GOLT1B: variants seen among roughly 807,000 people sequenced by gnomAD.
GOLT1B encodes golgi transport 1B, also known as vesicle transport protein GOT1B.
In GOLT1B, 3 loss-of-function variants were observed where a neutral mutation model predicts 15.4. The ratio of observed to expected loss-of-function variants is 0.19; its 90% CI spans 0.09 to 0.50. The LOEUF (loss-of-function observed/expected upper bound fraction) is 0.50. Among genes scored for constraint, GOLT1B ranks in the 20% least tolerant of loss-of-function variants. The pLI, the probability that GOLT1B is intolerant of heterozygous loss-of-function variation, is 0.97. For synonymous variants in GOLT1B, 65 were observed against 56.2 expected (o/e 1.16, Z -0.70); for missense variants, 145 against 160.4 (o/e 0.90, Z 0.52).
At chr12:21,504,606 C>T in intron 1 of GOLT1B, 1 of 505,728 alleles carries the variant, frequency 2.0e-6, no homozygotes, top group South Asian at 1.4e-5. Context: ...ATACCACCAG[C>T]ACCCACACAC....
At chr12:21,507,866 T>C (rs1040438203) in intron 2 of GOLT1B, 1 of 426,382 alleles carries the variant, frequency 2.3e-6, no homozygotes, top group African/African-American at 2.1e-5. Context: ...CTAGAATTTA[T>C]AAAACTAGAA....
chr12:21,504,543 G>A (rs575284851), intron 1 of GOLT1B: 2 of 504,018 alleles, frequency 4.0e-6, no homozygotes, highest in East Asian at 1.1e-4. Flanking sequence ...CATTGTCTGT[G>A]GAGTGAGAAG....
At chr12:21,504,135 C>T (rs762566935) in intron 1 of GOLT1B, among the ~76,000 whole-genome samples, 5 of 152,220 alleles carry the variant, frequency 3.3e-5, no homozygotes, top group Non-Finnish European at 7.3e-5. Context: ...TATACAATTT[C>T]CACAGTATGC....
intron 3 of GOLT1B, among the ~76,000 whole-genome samples, chr12:21,511,383 A>G (rs1203117761): frequency 1.7e-5 from 2 of 117,444 alleles, no homozygotes; most frequent in Non-Finnish European, 3.2e-5. Context: ...GTGTTCAGCT[A>G]TCCGGAAGCT....
chr12:21,511,357 C>T (rs1439835044), intron 3 of GOLT1B, among the ~76,000 whole-genome samples: 2 of 143,840 alleles, frequency 1.4e-5, no homozygotes, highest in African/African-American at 5.0e-5. Flanking sequence ...ACCCACCATC[C>T]TCCAAGAACA....
intron 3 of GOLT1B, 108 bp downstream of exon 3, chr12:21,508,669 G>A (rs1943696642): frequency 1.5e-6 from 1 of 649,802 alleles, no homozygotes; most frequent in Non-Finnish European, 2.7e-6. Context: ...TTCCTTAAAT[G>A]GAATTTTATT....
chr12:21,502,765 T>C (rs1341577787), intron 1 of GOLT1B, among the ~76,000 whole-genome samples: 1 of 152,180 alleles, frequency 6.6e-6, no homozygotes, highest in African/African-American at 2.4e-5. Context: ...AATTTTTGTA[T>C]TTATGTCTGC....
intron 3 of GOLT1B, among the ~76,000 whole-genome samples, chr12:21,511,857 C>T (rs1474918671): frequency 6.6e-6 from 1 of 152,166 alleles, no homozygotes; most frequent in Non-Finnish European, 1.5e-5. Context: ...CTTCTGTAGA[C>T]TTGTATTTCT....
intron 3 of GOLT1B, 119 bp from the exon 4 acceptor site, chr12:21,512,176 G>C (rs1346591760): frequency 9.3e-6 from 6 of 642,624 alleles, no homozygotes; most frequent in Admixed American, 2.7e-5. Flanking sequence ...TTATTTCTAA[G>C]TTTGAAGACC....
intron 4 of GOLT1B, among the ~76,000 whole-genome samples, chr12:21,513,348 A>AT (rs1333565590): frequency 1.3e-5 from 2 of 152,164 alleles, no homozygotes; most frequent in East Asian, 3.9e-4. Context: ...AGGTTGTAAC[A>AT]TCTTTTGGTG....
intron 1 of GOLT1B, among the ~76,000 whole-genome samples, chr12:21,505,171 G>A (rs1194690270): frequency 6.6e-6 from 1 of 152,104 alleles, no homozygotes; most frequent in Non-Finnish European, 1.5e-5. Flanking sequence ...CACTTCATAA[G>A]GCCTAATTCG....
At chr12:21,510,138 C>T (rs767615980) in intron 3 of GOLT1B, among the ~76,000 whole-genome samples, 1 of 152,088 alleles carries the variant, frequency 6.6e-6, no homozygotes, top group Non-Finnish European at 1.5e-5. Flanking sequence ...GCGGTTAATA[C>T]AGTACAGAAT....
At chr12:21,504,344 G>A (rs1460320950) in intron 1 of GOLT1B, among the ~76,000 whole-genome samples, 1 of 152,140 alleles carries the variant, frequency 6.6e-6, no homozygotes, top group African/African-American at 2.4e-5. Flanking sequence ...GGGAAAAGGG[G>A]GATCCTGGAG....
chr12:21,501,848 G>A lies in GOLT1B; in HGVS notation c.-76G>A. ...CGGCTCTCGCCTGGGCTGTTTCCCG[G>A]CTTCATTTCTCCCGACTCAGCTTCC... On this transcript the variant is annotated 5_prime_UTR_variant, in exon 1 of 5. Coordinates refer to ENST00000229314, the MANE Select transcript of GOLT1B (RefSeq NM_016072.5). The A allele has an allele frequency of 1.9e-6, 2 of 1,035,324 alleles. No homozygotes were observed. The highest frequency in any genetic ancestry group is 3.0e-6 in the Non-Finnish European group (2 of 661,426). 64.1% of individuals were successfully genotyped at this position (1,035,324 alleles called of 1,614,324 possible).
At chr12:21,505,433 T>G (rs1056240349) in intron 1 of GOLT1B, among the ~76,000 whole-genome samples, 2 of 152,192 alleles carry the variant, frequency 1.3e-5, no homozygotes, top group Non-Finnish European at 2.9e-5. Context: ...TAAATTCTCT[T>G]AAGGCCTTTG....
chr12:21,501,853 A>T lies in GOLT1B; in HGVS notation c.-71A>T. 3 of 1,108,716 alleles carry T rather than the reference A, an allele frequency of 2.7e-6. No individual in the cohort carries two copies. Among genetic ancestry groups the T allele is most frequent in the Middle Eastern group, 1.9e-4 (1 of 5,164 alleles). The allele number at this position is 1,108,716 out of a possible 1,614,324, so 68.7% of individuals were successfully genotyped here. ...CTCGCCTGGGCTGTTTCCCGGCTTCATTTCTCCCGACTCAGCTTCCCACCC... is the reference window on the plus strand; with the variant it reads ...CTCGCCTGGGCTGTTTCCCGGCTTCTTTTCTCCCGACTCAGCTTCCCACCC... On this transcript the variant is annotated 5_prime_UTR_variant, in exon 1 of 5. Transcript: ENST00000229314.
chr12:21,509,424 A>C (rs1055540952), intron 3 of GOLT1B, among the ~76,000 whole-genome samples: 2 of 112,008 alleles, frequency 1.8e-5, no homozygotes, highest in Non-Finnish European at 3.8e-5. Flanking sequence ...AAAAAAAAAA[A>C]CAGAAAAGAA....
At position 21,517,574 on chromosome 12, in the gene GOLT1B, T is replaced by C. The variant is rs1943765337; in HGVS notation, c.*1867T>C. ...TATCTGCTAATGTAAGGGACATCTG[T>C]ATTTAACTCCTTTGTAGACATGAAT... On this transcript the variant is annotated 3_prime_UTR_variant, in exon 5 of 5. Coordinates refer to ENST00000229314, the MANE Select transcript of GOLT1B (RefSeq NM_016072.5). 6.6e-6 allele frequency: 1 copy of C among 152,094 alleles called. No individual in the cohort carries two copies. Among genetic ancestry groups the C allele is most frequent in the Admixed American group, 6.5e-5 (1 of 15,280 alleles). The allele number at this position is 152,094 out of a possible 1,614,324, so 9.4% of individuals were successfully genotyped here. A position where few individuals can be genotyped will look rare whatever the true frequency, so the allele number is the denominator to read the frequency against.
At chr12:21,504,613 A>G (rs779026962) in intron 1 of GOLT1B, 1 of 504,040 alleles carries the variant, frequency 2.0e-6, no homozygotes, top group Non-Finnish European at 4.0e-6. Flanking sequence ...CAGCACCCAC[A>G]CACACATTTT....
Sources: allele counts gnomAD v4.1 joint callset (sites outside exome capture counted in the v4.1 genomes callset), GRCh38; gene constraint gnomAD v4.1.1; transcripts MANE v1.5; gene names NCBI Gene and HGNC (gene_info 2026-07-23, HGNC 2026-07-21).